HIVEP3: variants seen among roughly 807,000 people sequenced by gnomAD.
HIVEP3 encodes the protein transcription factor HIVEP3.
HIVEP3 carries 49 observed loss-of-function variants against 152.8 expected under a neutral mutation model. The observed-to-expected ratio is 0.32, with a 90% confidence interval of 0.26 to 0.41. The LOEUF (loss-of-function observed/expected upper bound fraction) is 0.41, where lower values mean the gene tolerates loss of function less well. HIVEP3 is among the 10% of genes least tolerant of loss of function. The pLI, the probability that HIVEP3 is intolerant of heterozygous loss-of-function variation, is 1.00. For missense variants in HIVEP3, 2,790 were observed against 3,103.3 expected (o/e 0.90, Z 2.40); for synonymous variants, 1,269 against 1,289.0 (o/e 0.98, Z 0.33).
chr1:41,832,422 T>C (rs895206703), intron 1 of HIVEP3, among the ~76,000 whole-genome samples: 1 of 152,138 alleles, frequency 6.6e-6, no homozygotes, highest in African/African-American at 2.4e-5. Context: ...TCCCAGCTAC[T>C]CGGGAGGCTG....
intron 1 of HIVEP3, among the ~76,000 whole-genome samples, chr1:41,907,651 A>G (rs1644735495): frequency 6.6e-6 from 1 of 152,236 alleles, no homozygotes; most frequent in African/African-American, 2.4e-5. Context: ...GTAGGCTCAC[A>G]GGAAGGGAAG....
intron 5 of HIVEP3, among the ~76,000 whole-genome samples, chr1:41,526,928 C>T (rs111068053): frequency 0.054 from 7,723 of 142,340 alleles, 997 homozygotes; most frequent in African/African-American, 0.2. Context: ...CACACCCTCA[C>T]ATGCTCACCC....
At chr1:41,919,277 G>A (rs965459103), upstream of HIVEP3, among the ~76,000 whole-genome samples, 2 of 152,076 alleles carry the variant, frequency 1.3e-5, no homozygotes, top group South Asian at 2.1e-4. Flanking sequence ...CGGGTCAGAC[G>A]AGACAGGGCA....
chr1:41,918,563 T>G lies in HIVEP3; in HGVS notation c.-951A>C. ...GGGGTAAAGACCTTATTGAAAGAATTGTCCTTAAAAAATAACCTGTGCATA... is the reference window on the plus strand; with the variant it reads ...GGGGTAAAGACCTTATTGAAAGAATGGTCCTTAAAAAATAACCTGTGCATA... On this transcript the variant is annotated 5_prime_UTR_variant, in exon 1 of 9. Coordinates refer to ENST00000372583, the MANE Select transcript of HIVEP3 (RefSeq NM_024503.5). The surrounding 1 kb of genome is among the most constrained non-coding windows in gnomAD (Gnocchi z 4.3). The G allele has an allele frequency of 6.6e-6, 1 of 152,128 alleles. No homozygotes were observed. The highest frequency in any genetic ancestry group is 1.9e-4 in the East Asian group (1 of 5,174). 9.4% of individuals were successfully genotyped at this position (152,128 alleles called of 1,614,324 possible).
intron 1 of HIVEP3, among the ~76,000 whole-genome samples, chr1:41,959,669 G>T (rs1645158923): frequency 1.3e-5 from 2 of 152,294 alleles, no homozygotes; most frequent in African/African-American, 4.8e-5. Flanking sequence ...CCAAGAAACA[G>T]AATGCATAGG....
At chr1:41,874,693 A>G (rs1644138711) in intron 1 of HIVEP3, among the ~76,000 whole-genome samples, 2 of 152,180 alleles carry the variant, frequency 1.3e-5, no homozygotes, top group South Asian at 2.1e-4. Context: ...ATAGGATTCT[A>G]TTAGAAAACA....
At chr1:42,016,704 C>T (rs555412771) in intron 1 of HIVEP3, among the ~76,000 whole-genome samples, 25 of 152,154 alleles carry the variant, frequency 1.6e-4, no homozygotes, top group Admixed American at 5.9e-4. Flanking sequence ...ATTTAGCAAT[C>T]AGTATCTCCT....
At chr1:41,722,861 T>C (rs1027194246) in intron 1 of HIVEP3, among the ~76,000 whole-genome samples, 1 of 152,032 alleles carries the variant, frequency 6.6e-6, no homozygotes, top group Non-Finnish European at 1.5e-5. Context: ...TGCATGTGCA[T>C]ATGTGTATGT....
intron 1 of HIVEP3, among the ~76,000 whole-genome samples, chr1:41,928,190 A>G (rs548377692): frequency 6.6e-6 from 1 of 152,252 alleles, no homozygotes; most frequent in African/African-American, 2.4e-5. Flanking sequence ...ACCCTATTAC[A>G]GTAATTCTCA....
chr1:41,986,687 A>G (rs627502), intron 1 of HIVEP3, among the ~76,000 whole-genome samples: 117,965 of 152,022 alleles, frequency 0.78, 46,165 homozygotes, highest in East Asian at 0.96. Context: ...TGATCCACCC[A>G]CCTTGGCCTC....
chr1:41,526,543 A>ACT (rs1642924073), intron 5 of HIVEP3, among the ~76,000 whole-genome samples: 3 of 47,796 alleles, frequency 6.3e-5, no homozygotes, highest in Admixed American at 2.5e-4. Context: ...TTACACCCCC[A>ACT]CACTCACCCT....
intron 1 of HIVEP3, among the ~76,000 whole-genome samples, chr1:41,767,337 C>A (rs6703884): frequency 1.3e-5 from 2 of 152,022 alleles, no homozygotes; most frequent in Non-Finnish European, 1.5e-5. Context: ...GCTCCCCCAA[C>A]CGCTAGAGCT....
At chr1:41,550,535 G>C (rs1569869943) in intron 5 of HIVEP3, among the ~76,000 whole-genome samples, 1 of 152,266 alleles carries the variant, frequency 6.6e-6, no homozygotes, top group Non-Finnish European at 1.5e-5. Context: ...TTTGTGTCCT[G>C]TTTTATTTCA....
chr1:41,554,102 G>A (rs1643929182), intron 5 of HIVEP3, among the ~76,000 whole-genome samples: 1 of 152,170 alleles, frequency 6.6e-6, no homozygotes, highest in Non-Finnish European at 1.5e-5. Context: ...TTTCCAACTT[G>A]TTTCCATTCT....
Position 41,681,089 on chromosome 1 carries a change from G to GGTGT in HIVEP3, c.-721+19823_-721+19826dup, listed in dbSNP as rs35572259. On this transcript the variant is annotated intron_variant, in intron 2 of 8. Transcript: ENST00000372583. The stretch of plus-strand genomic sequence containing the variant: ...TATCATTCCCCAGAAGCTAAGAACT[G>GGTGT]GTGTGTGTGTGTGTGTGTGTGTGTG... Among the ~76,000 whole-genome samples, 844 of 148,338 alleles carry GGTGT rather than the reference G, an allele frequency of 5.7e-3. 3 individuals carry two copies. Among genetic ancestry groups the GGTGT allele is most frequent in the East Asian group, 0.035 (177 of 5,066 alleles).
At chr1:41,797,977 TA>T (rs199776093) in intron 1 of HIVEP3, among the ~76,000 whole-genome samples, 1 of 150,090 alleles carries the variant, frequency 6.7e-6, no homozygotes, top group African/African-American at 2.5e-5. Context: ...AGACTCCATC[TA>T]AAAAAAAACA....
At position 41,581,769 on chromosome 1, in the gene HIVEP3, C is replaced by A; in HGVS notation, c.3029G>T (p.Ser1010Ile). ...SHSAHMTETR[S>I]KSFDYGSLSL... is the part of the protein sequence containing the mutation. ...CAAGCTGCCATAGTCAAAGGATTTGCTGCGTGTCTCGGTCATGTGGGCAGA... is the reference window on the plus strand; with the variant it reads ...CAAGCTGCCATAGTCAAAGGATTTGATGCGTGTCTCGGTCATGTGGGCAGA... The change falls in exon 4 of 9, where the codon AGC (serine) becomes ATC (isoleucine). Residue 1010 changes from serine (S) to isoleucine (I), a missense_variant. Physicochemically the swap from Ser to Ile is moderately radical, Grantham distance 142. Transcript: ENST00000372583. The surrounding 1 kb of genome is among the most constrained non-coding windows in gnomAD (Gnocchi z 4.5). 1 of 1,594,196 alleles carries A rather than the reference C, an allele frequency of 6.3e-7. No individual in the cohort carries two copies. Among genetic ancestry groups the A allele is most frequent in the Non-Finnish European group, 8.5e-7 (1 of 1,170,074 alleles).
chr1:41,723,612 G>C (rs1646710153), intron 1 of HIVEP3, among the ~76,000 whole-genome samples: 1 of 152,038 alleles, frequency 6.6e-6, no homozygotes, highest in African/African-American at 2.4e-5. Context: ...TTTGCTACTT[G>C]TACATTTCAT....
chr1:41,800,443 C>G (rs1650236000), intron 1 of HIVEP3, among the ~76,000 whole-genome samples: 1 of 152,238 alleles, frequency 6.6e-6, no homozygotes, highest in African/African-American at 2.4e-5. Flanking sequence ...CCAGGCTGCT[C>G]CAGCCAAGAG....
Sources: allele counts gnomAD v4.1 joint callset (sites outside exome capture counted in the v4.1 genomes callset), GRCh38; gene constraint gnomAD v4.1.1; non-coding constraint Gnocchi (gnomAD v3.1); transcripts MANE v1.5; gene names NCBI Gene and HGNC (gene_info 2026-07-23, HGNC 2026-07-21).